BICD2: variants seen among roughly 807,000 people sequenced by gnomAD.
BICD2 encodes BICD cargo adaptor 2.
In BICD2, 25 loss-of-function variants were observed where a neutral mutation model predicts 72.9. The ratio of observed to expected loss-of-function variants is 0.34; its 90% confidence interval spans 0.25 to 0.48. The LOEUF is 0.48. Among genes scored for constraint, BICD2 ranks in the 20% least tolerant of loss-of-function variants. BICD2 has a pLI of 0.99. For missense variants in BICD2, 894 were observed against 1,175.2 expected, an observed-to-expected ratio of 0.76 and a Z score of 3.50; for synonymous variants, 501 against 516.1, an observed-to-expected ratio of 0.97 and a Z score of 0.40.
intron 1 of BICD2, among the ~76,000 whole-genome samples, chr9:92,738,585 A>C (rs1853835037): frequency 6.6e-6 from 1 of 152,230 alleles, no homozygotes; most frequent in Non-Finnish European, 1.5e-5. Flanking sequence ...TAGCTAGTAG[A>C]GGTTGCCCCT....
intron 1 of BICD2, 25 bp from the exon 2 acceptor site, chr9:92,729,261 T>A (rs1433336210): frequency 6.2e-7 from 1 of 1,612,090 alleles, no homozygotes; most frequent in Admixed American, 1.7e-5. Context: ...AAGACACTCG[T>A]GAGGTGGGCC....
intron 1 of BICD2, among the ~76,000 whole-genome samples, chr9:92,749,305 T>C (rs373920304): frequency 2.6e-4 from 39 of 152,356 alleles, no homozygotes; most frequent in Non-Finnish European, 3.8e-4. Context: ...TGCAGGCCCA[T>C]CTGTCCCTCA....
rs144326040 is a variant in BICD2, at chr9:92,733,248, A to T, written c.241-4012T>A. Among the ~76,000 whole-genome samples the T allele has an allele frequency of 3.2e-4, 48 of 152,326 alleles. No individual in the cohort carries two copies. The East Asian group carries it at 4.0e-3, about 13-fold the overall frequency. ...CAAAAATAATTTGATGTCAAAGAAT[A>T]GTTTTTCGGCCAGGCACGGTGGCTC... On this transcript the variant is annotated intron_variant, in intron 1 of 6. Transcript: ENST00000356884.
rs370358019 is a variant in BICD2 at position 92,720,773 on chromosome 9, C to G, written c.607-18G>C. ...AACTCCACCTGGGAAGAGAAGTCAA[C>G]GCTCTTGCATCAATGCAATGTGGAA... is the stretch of plus-strand genomic sequence containing the variant. On this transcript the variant is annotated intron_variant, in intron 3 of 6. Transcript: ENST00000356884. The surrounding 1 kb of genome is among the most constrained non-coding windows in gnomAD (Gnocchi z 5.4). 3.1e-5 allele frequency: 50 copies of G among 1,609,712 alleles called. No homozygotes were observed. The highest frequency in any genetic ancestry group is 3.7e-5 in the Non-Finnish European group (44 of 1,177,556).
At chr9:92,743,734 T>A (rs553314127) in intron 1 of BICD2, among the ~76,000 whole-genome samples, 1 of 152,124 alleles carries the variant, frequency 6.6e-6, no homozygotes, top group Admixed American at 6.5e-5. Context: ...CATCGCTGGG[T>A]CAGAACTACT....
intron 2 of BICD2, among the ~76,000 whole-genome samples, chr9:92,723,814 A>G (rs1331324088): frequency 2.0e-5 from 3 of 152,336 alleles, no homozygotes; most frequent in Admixed American, 1.3e-4. Flanking sequence ...GATGCAATCA[A>G]GACAGAATTT....
intron 1 of BICD2, among the ~76,000 whole-genome samples, chr9:92,730,169 G>A (rs1017708990): frequency 2.6e-5 from 4 of 152,188 alleles, no homozygotes; most frequent in Non-Finnish European, 5.9e-5. Flanking sequence ...GCCGCAGTGT[G>A]TCACCCCCAG....
chr9:92,731,885 C>T (rs1853686503), intron 1 of BICD2, among the ~76,000 whole-genome samples: 1 of 152,240 alleles, frequency 6.6e-6, no homozygotes, highest in South Asian at 2.1e-4. Context: ...GATGCACAGG[C>T]AGCTGGGGAG....
chr9:92,750,602 T>G (rs994977860), intron 1 of BICD2, among the ~76,000 whole-genome samples: 3 of 151,906 alleles, frequency 2.0e-5, no homozygotes, highest in African/African-American at 7.3e-5. Flanking sequence ...GTAATGATGG[T>G]AAAAAGATCA....
intron 1 of BICD2, among the ~76,000 whole-genome samples, chr9:92,738,352 C>T (rs1002200679): frequency 2.6e-5 from 4 of 152,184 alleles, no homozygotes; most frequent in Non-Finnish European, 2.9e-5. Context: ...CAAGATTGGT[C>T]CCTGATGGTC....
At position 92,714,858 on chromosome 9, in the gene BICD2, A is replaced by G; in HGVS notation, c.*296T>C. On this transcript the variant is annotated 3_prime_UTR_variant, in exon 7 of 7. Coordinates refer to ENST00000356884, the MANE Select transcript of BICD2 (RefSeq NM_001003800.2). ...GTTTCCCCACGGGTGCGCAGGGCTT[A>G]GAAGATGCTTTCATCACACATCTGC... 1 of 1,180,604 alleles carries G rather than the reference A, an allele frequency of 8.5e-7. No individual in the cohort carries two copies. Among genetic ancestry groups the G allele is most frequent in the Non-Finnish European group, 1.1e-6 (1 of 951,970 alleles). 73.1% of individuals were successfully genotyped at this position (1,180,604 alleles called of 1,614,324 possible).
At position 92,712,535 on chromosome 9, in the gene BICD2, A is replaced by C. The variant is rs1175136960; in HGVS notation, c.*2619T>G. On this transcript the variant is annotated 3_prime_UTR_variant, in exon 7 of 7. Transcript: ENST00000356884. ...TAAGTGTACCACAATTTGGCACAAC[A>C]ACCAGAGTAACAAAACAATTCCAAT... 1.3e-5 allele frequency: 2 copies of C among 152,612 alleles called. No individual in the cohort carries two copies. Among genetic ancestry groups the C allele is most frequent in the Admixed American group, 6.5e-5 (1 of 15,292 alleles). 9.5% of individuals were successfully genotyped at this position (152,612 alleles called of 1,614,324 possible).
intron 1 of BICD2, among the ~76,000 whole-genome samples, chr9:92,754,485 T>C (rs1013976270): frequency 6.6e-6 from 1 of 152,238 alleles, no homozygotes; most frequent in Non-Finnish European, 1.5e-5. Flanking sequence ...AGACACGTTA[T>C]AGCAGAACTG....
rs1853230718 is a variant in BICD2 at position 92,713,372 on chromosome 9, C to A, written c.*1782G>T. The A allele has an allele frequency of 6.8e-7, 1 of 1,471,162 alleles. No individual in the cohort carries two copies. The highest frequency in any genetic ancestry group is 9.3e-7 in the Non-Finnish European group (1 of 1,074,988). 91.1% of individuals were successfully genotyped at this position (1,471,162 alleles called of 1,614,324 possible). On this transcript the variant is annotated 3_prime_UTR_variant, in exon 7 of 7. Coordinates refer to ENST00000356884, the MANE Select transcript of BICD2 (RefSeq NM_001003800.2). ...TAAGTGGGCTTTTAGGTTGCCCTTC[C>A]TTCCTCCTTGTGGGCCACGAGAGGG...
At chr9:92,715,572 T>A (rs1461886160) in intron 6 of BICD2, 109 bp from the exon 7 acceptor site, 11 of 1,096,846 alleles carry the variant, frequency 1.0e-5, no homozygotes, top group Non-Finnish European at 1.4e-5. Context: ...ACCAGAGCCA[T>A]CCTTCAATGT....
intron 3 of BICD2, among the ~76,000 whole-genome samples, chr9:92,721,014 C>T (rs1402629382): frequency 6.6e-6 from 1 of 152,180 alleles, no homozygotes; most frequent in Non-Finnish European, 1.5e-5. Flanking sequence ...GCCCACCCAC[C>T]GCTGGGACCA....
intron 1 of BICD2, among the ~76,000 whole-genome samples, chr9:92,759,712 T>C (rs1854332043): frequency 6.6e-6 from 1 of 152,234 alleles, no homozygotes; most frequent in African/African-American, 2.4e-5. Context: ...TGCATAGTCC[T>C]GGCCAGCCCT....
chr9:92,747,354 C>T (rs562543992), intron 1 of BICD2, among the ~76,000 whole-genome samples: 1 of 152,320 alleles, frequency 6.6e-6, no homozygotes, highest in South Asian at 2.1e-4. Context: ...TGCCCAGGCC[C>T]CTGGCTACAC....
rs1169381290 is a variant in BICD2, at chr9:92,757,312, C to CAAAAAAAAAAAAAAA, written c.240+7178_240+7192dup. 1.3e-4 allele frequency among the ~76,000 whole-genome samples: 7 copies of CAAAAAAAAAAAAAAA among 52,736 alleles called. No individual in the cohort carries two copies. The East Asian group carries it at 1.5e-3, about 11-fold the overall frequency. 34.6% of individuals were successfully genotyped at this position (52,736 alleles called of 152,430 possible). A position where few individuals can be genotyped will look rare whatever the true frequency, so the allele number is the denominator to read the frequency against. On this transcript the variant is annotated intron_variant, in intron 1 of 6. Coordinates refer to ENST00000356884, the MANE Select transcript of BICD2 (RefSeq NM_001003800.2). ...CTGGGCGACAGAACGAGACTGTCTC[C>CAAAAAAAAAAAAAAA]AAAAAAAAAAAAAAAAAAAAAAAAA... is the stretch of plus-strand genomic sequence containing the variant.
Sources: gnomAD v4.1 joint callset for allele counts (sites outside exome capture counted in the v4.1 genomes callset) on GRCh38, gnomAD v4.1.1 for gene constraint, Gnocchi (gnomAD v3.1) non-coding constraint, MANE v1.5 for transcripts, NCBI Gene and HGNC (gene_info 2026-07-23, HGNC 2026-07-21) for gene names.